OR1L8: variants seen among roughly 807,000 people sequenced by gnomAD.
OR1L8 encodes olfactory receptor family 1 subfamily L member 8, also known as olfactory receptor 1L8.
For missense variants in OR1L8, 330 were observed against 377.4 expected (o/e 0.87, Z 1.04); for synonymous variants, 148 against 147.0 (o/e 1.01, Z -0.05).
At chr9:122,556,839 G>C in the OR1L8 span, among the ~76,000 whole-genome samples, 53 of 152,194 alleles carry the variant, frequency 3.5e-4, no homozygotes, top group Non-Finnish European at 6.2e-4. Flanking sequence ...AATCAAGTTG[G>C]GAAGAATGAC....
the OR1L8 span, among the ~76,000 whole-genome samples, chr9:122,558,125 G>A: frequency 2.6e-5 from 4 of 151,302 alleles, no homozygotes; most frequent in African/African-American, 4.9e-5. Flanking sequence ...CTTATTAATG[G>A]TATATCAATT....
intron 3 of OR1L8, among the ~76,000 whole-genome samples, chr9:122,573,828 T>A (rs1187144491): frequency 6.6e-6 from 1 of 152,206 alleles, no homozygotes; most frequent in Non-Finnish European, 1.5e-5. Flanking sequence ...AAACCCAAGA[T>A]CATCTAGATT....
the OR1L8 span, among the ~76,000 whole-genome samples, chr9:122,551,279 G>A: frequency 2.0e-5 from 3 of 152,160 alleles, no homozygotes; most frequent in Non-Finnish European, 4.4e-5. Context: ...ACAGACCTAG[G>A]TGGGGATTCC....
At chr9:122,571,122 A>G (rs1588216186) in intron 4 of OR1L8, among the ~76,000 whole-genome samples, 1 of 152,186 alleles carries the variant, frequency 6.6e-6, no homozygotes, top group South Asian at 2.1e-4. Context: ...TACACAACTG[A>G]CAAACTTTCT....
chr9:122,553,867 TCTC>T, the OR1L8 span: 4 of 1,613,978 alleles, frequency 2.5e-6, no homozygotes, highest in African/African-American at 2.7e-5. Context: ...CTGATCGTCT[TCTC>T]CTATGTCCGC....
At chr9:122,572,482 T>A (rs1177179329) in intron 4 of OR1L8, among the ~76,000 whole-genome samples, 1 of 152,076 alleles carries the variant, frequency 6.6e-6, no homozygotes, top group Non-Finnish European at 1.5e-5. Context: ...GAAGAAGGTT[T>A]AGGATATGAA....
chr9:122,581,436 AAGGT>A (rs1212799080), intron 1 of OR1L8, among the ~76,000 whole-genome samples: 24 of 152,220 alleles, frequency 1.6e-4, no homozygotes, highest in Non-Finnish European at 3.4e-4. Context: ...GTTAGGTAAA[AAGGT>A]AGGTCATTAT....
chr9:122,556,559 C>T, the OR1L8 span, among the ~76,000 whole-genome samples: 18 of 152,040 alleles, frequency 1.2e-4, no homozygotes, highest in Non-Finnish European at 2.2e-4. Context: ...GGACAAATAA[C>T]TAATGCATGC....
downstream of OR1L8, among the ~76,000 whole-genome samples, chr9:122,564,559 A>G (rs983628059): frequency 3.3e-5 from 5 of 152,188 alleles, no homozygotes; most frequent in African/African-American, 1.2e-4. Context: ...GGTGATCCCC[A>G]CCACATCCCT....
At position 122,568,164 on chromosome 9, in the gene OR1L8, A is replaced by G; in HGVS notation, c.314T>C (p.Leu105Pro). ...GCTGTCACTGTTGCCCAAGGCATAG[A>G]GAAAATACATCTGTGTCAGACACCC... ...YAGCLTQMYF[L>P]YALGNSDSCL... Residue 105 changes from leucine to proline, a missense_variant, in exon 5 of 5, where the codon CTC becomes CCC. Coordinates refer to ENST00000641027, the MANE Select transcript of OR1L8 (RefSeq NM_001004454.2). 1 of 1,614,200 alleles carries G rather than the reference A, an allele frequency of 6.2e-7. No homozygotes were observed. The highest frequency in any genetic ancestry group is 8.5e-7 in the Non-Finnish European group (1 of 1,180,020).
chr9:122,548,875 G>T, the OR1L8 span, among the ~76,000 whole-genome samples: 5 of 151,416 alleles, frequency 3.3e-5, no homozygotes, highest in African/African-American at 4.9e-5. Flanking sequence ...TTAGTCTTCT[G>T]TCAGATGCAT....
chr9:122,554,398 A>G, the OR1L8 span, among the ~76,000 whole-genome samples: 4 of 152,108 alleles, frequency 2.6e-5, no homozygotes, highest in South Asian at 8.3e-4. Flanking sequence ...CAGCAAAACT[A>G]CTATTCCTCC....
chr9:122,546,759 T>C, the OR1L8 span, among the ~76,000 whole-genome samples: 6 of 152,162 alleles, frequency 3.9e-5, no homozygotes, highest in Middle Eastern at 3.2e-3. Flanking sequence ...GTAAGAATAA[T>C]GGAAGAATAA....
downstream of OR1L8, among the ~76,000 whole-genome samples, chr9:122,566,750 A>G (rs1341041): frequency 0.33 from 46,743 of 142,250 alleles, 8,043 homozygotes; most frequent in East Asian, 0.83. Context: ...AATTTATAAT[A>G]ATATTTCTAT....
chr9:122,565,382 C>G (rs1351823939), downstream of OR1L8, among the ~76,000 whole-genome samples: 1 of 152,162 alleles, frequency 6.6e-6, no homozygotes, highest in Non-Finnish European at 1.5e-5. Flanking sequence ...TTTGTGGATA[C>G]CAGTGAGTCT....
intron 3 of OR1L8, among the ~76,000 whole-genome samples, chr9:122,575,865 G>C (rs977480512): frequency 5.3e-5 from 8 of 152,178 alleles, no homozygotes; most frequent in African/African-American, 1.9e-4. Context: ...CTTCATGTCT[G>C]TATCCTTTGA....
chr9:122,558,958 G>A, the OR1L8 span, among the ~76,000 whole-genome samples: 6 of 151,908 alleles, frequency 3.9e-5, no homozygotes, highest in Non-Finnish European at 8.8e-5. Context: ...ATAAGGTACA[G>A]GGTGATATTT....
the OR1L8 span, among the ~76,000 whole-genome samples, chr9:122,546,597 T>C: frequency 6.6e-6 from 1 of 152,110 alleles, no homozygotes; most frequent in African/African-American, 2.4e-5. Flanking sequence ...GGCTATTTGT[T>C]AAAAAAATTA....
intron 3 of OR1L8, among the ~76,000 whole-genome samples, chr9:122,574,970 T>G (rs1363509861): frequency 2.0e-5 from 3 of 152,136 alleles, no homozygotes; most frequent in Non-Finnish European, 4.4e-5. Flanking sequence ...TGGCTTTTCT[T>G]TATTAGTTTA....
Sources: allele counts gnomAD v4.1 joint callset (sites outside exome capture counted in the v4.1 genomes callset), GRCh38; gene constraint gnomAD v4.1.1; transcripts MANE v1.5; gene names NCBI Gene and HGNC (gene_info 2026-07-23, HGNC 2026-07-21).